The following IMMP2L variants were observed in gnomAD, a reference collection of about 807,000 sequenced individuals.
IMMP2L encodes the protein mitochondrial inner membrane protease subunit 2.
A neutral mutation model predicts 19.3 loss-of-function variants in IMMP2L; 18 were observed. The ratio of observed to expected loss-of-function variants is 0.93; its 90% CI spans 0.64 to 1.38. The LOEUF (loss-of-function observed/expected upper bound fraction) is 1.38. Ranked by LOEUF, IMMP2L falls within the 40% of genes most tolerant of loss-of-function variation. IMMP2L has a pLI of 0.00. For missense variants in IMMP2L, 233 were observed against 218.2 expected (o/e 1.07, Z -0.43); for synonymous variants, 76 against 73.0 (o/e 1.04, Z -0.21).
chr7:111,045,318 T>C (rs904978753), intron 3 of IMMP2L, among the ~76,000 whole-genome samples: 1 of 152,178 alleles, frequency 6.6e-6, no homozygotes, highest in Non-Finnish European at 1.5e-5. Flanking sequence ...AATATGCCCA[T>C]TCTTCATTTC....
At chr7:111,505,041 C>G (rs1315626612) in intron 2 of IMMP2L, among the ~76,000 whole-genome samples, 1 of 151,948 alleles carries the variant, frequency 6.6e-6, no homozygotes, top group African/African-American at 2.4e-5. Flanking sequence ...AGGCAACCTA[C>G]AAAATGGGAA....
intron 5 of IMMP2L, among the ~76,000 whole-genome samples, chr7:110,806,985 A>G (rs1801677778): frequency 6.6e-6 from 1 of 151,958 alleles, no homozygotes; most frequent in Non-Finnish European, 1.5e-5. Flanking sequence ...TTACCTTTGT[A>G]TATGTCTGTT....
At chr7:111,043,972 C>T (rs1792138716) in intron 3 of IMMP2L, among the ~76,000 whole-genome samples, 1 of 152,048 alleles carries the variant, frequency 6.6e-6, no homozygotes, top group South Asian at 2.1e-4. Context: ...AGATACTGAC[C>T]CTTTAATAAA....
chr7:111,305,227 G>C (rs1318391201), intron 3 of IMMP2L, among the ~76,000 whole-genome samples: 1 of 152,104 alleles, frequency 6.6e-6, no homozygotes, highest in Admixed American at 6.6e-5. Flanking sequence ...TAAATTATTA[G>C]AAAAGGAATG....
At chr7:111,482,876 G>A (rs1842313410) in intron 3 of IMMP2L, among the ~76,000 whole-genome samples, 1 of 152,048 alleles carries the variant, frequency 6.6e-6, no homozygotes, top group Non-Finnish European at 1.5e-5. Context: ...AAAATAACTG[G>A]ACAGTACCCT....
At chr7:111,052,271 AAG>A (rs2129573056) in intron 3 of IMMP2L, among the ~76,000 whole-genome samples, 1 of 152,328 alleles carries the variant, frequency 6.6e-6, no homozygotes, top group East Asian at 1.9e-4. Context: ...GAGAGTAACT[AAG>A]AGTCTGACAC....
intron 3 of IMMP2L, chr7:111,091,642 T>C (rs1273665597): frequency 2.0e-5 from 3 of 152,208 alleles, no homozygotes; most frequent in Admixed American, 1.3e-4. Flanking sequence ...TATTGCACTT[T>C]TGAGAAGAAA....
chr7:111,108,700 CAT>C (rs1450480846), intron 3 of IMMP2L, among the ~76,000 whole-genome samples: 3 of 152,132 alleles, frequency 2.0e-5, no homozygotes, highest in East Asian at 3.9e-4. Flanking sequence ...TTAAAAAAAA[CAT>C]ATTTATTTCT....
At chr7:110,926,006 G>T (rs1814811221) in intron 4 of IMMP2L, among the ~76,000 whole-genome samples, 1 of 151,744 alleles carries the variant, frequency 6.6e-6, no homozygotes. Context: ...TTAAACATCT[G>T]CAAAAAATAT....
At chr7:110,809,670 T>G (rs1169381847) in intron 5 of IMMP2L, among the ~76,000 whole-genome samples, 1 of 151,994 alleles carries the variant, frequency 6.6e-6, no homozygotes, top group East Asian at 1.9e-4. Flanking sequence ...TTCTCAAATC[T>G]CCTAGAAAAT....
At chr7:111,157,031 C>T (rs917932895) in intron 3 of IMMP2L, among the ~76,000 whole-genome samples, 1 of 152,004 alleles carries the variant, frequency 6.6e-6, no homozygotes, top group Non-Finnish European at 1.5e-5. Flanking sequence ...GAGATAACAT[C>T]ACACTCTAGT....
rs144152760 is a variant in IMMP2L, at chr7:110,670,697, A to C, written c.409-6976T>G. Among the ~76,000 whole-genome samples the C allele has an allele frequency of 2.6e-4, 39 of 151,382 alleles. No homozygotes were observed. The East Asian group carries it at 3.9e-3, about 15-fold the overall frequency. ...AGAGCAAGACTCCGTCTCAAAAAAAAAAAAAAACAAAAAAAACAAAAAAAA... is the reference window on the plus strand; with the variant it reads ...AGAGCAAGACTCCGTCTCAAAAAAACAAAAAAACAAAAAAAACAAAAAAAA... On this transcript the variant is annotated intron_variant, in intron 5 of 5. Coordinates refer to ENST00000405709, the MANE Select transcript of IMMP2L (RefSeq NM_032549.4).
At chr7:110,851,921 G>C (rs1685183966) in intron 5 of IMMP2L, among the ~76,000 whole-genome samples, 1 of 152,018 alleles carries the variant, frequency 6.6e-6, no homozygotes, top group Non-Finnish European at 1.5e-5. Context: ...TCTTCTAAGA[G>C]CTGGAGTCTA....
intron 5 of IMMP2L, among the ~76,000 whole-genome samples, chr7:110,785,650 G>A (rs991944227): frequency 2.6e-5 from 4 of 151,976 alleles, no homozygotes; most frequent in African/African-American, 7.2e-5. Flanking sequence ...TCAGGATACC[G>A]CCTTGCATCA....
At chr7:111,140,613 A>C (rs1802782725) in intron 3 of IMMP2L, among the ~76,000 whole-genome samples, 1 of 152,208 alleles carries the variant, frequency 6.6e-6, no homozygotes, top group Non-Finnish European at 1.5e-5. Flanking sequence ...TAAATAAGTT[A>C]ACAGGGCCAA....
chr7:111,436,661 T>C (rs1192745109), intron 3 of IMMP2L, among the ~76,000 whole-genome samples: 1 of 151,904 alleles, frequency 6.6e-6, no homozygotes, highest in Non-Finnish European at 1.5e-5. Context: ...TGTCACTAAG[T>C]TAAACTCAAA....
intron 3 of IMMP2L, among the ~76,000 whole-genome samples, chr7:111,211,780 C>T (rs60022617): frequency 0.018 from 2,664 of 152,196 alleles, 84 homozygotes; most frequent in African/African-American, 0.061. Context: ...GAGGCCGAGG[C>T]AGGCAGATCG....
chr7:110,980,195 A>C (rs186486202), intron 3 of IMMP2L, among the ~76,000 whole-genome samples: 293 of 147,026 alleles, frequency 2.0e-3, no homozygotes, highest in African/African-American at 7.0e-3. Context: ...TAATCCCATT[A>C]ACTGGCTTAT....
rs574598147 is a variant in IMMP2L, at chr7:111,398,297, T to C, written c.239+88941A>G. ...GTCCACCATGATCAAGTGGGTTTCA[T>C]ACCAGGGATGCAGGAGTAGTTTAAC... On this transcript the variant is annotated intron_variant, in intron 3 of 5. Coordinates refer to ENST00000405709, the MANE Select transcript of IMMP2L (RefSeq NM_032549.4). Among the ~76,000 whole-genome samples the C allele has an allele frequency of 3.3e-5, 5 of 152,254 alleles. No homozygotes were observed. In the South Asian group the frequency reaches 6.2e-4, roughly 19 times the overall value.
Sources: gnomAD v4.1 joint callset for allele counts (sites outside exome capture counted in the v4.1 genomes callset) on GRCh38, gnomAD v4.1.1 for gene constraint, MANE v1.5 for transcripts, NCBI Gene and HGNC (gene_info 2026-07-23, HGNC 2026-07-21) for gene names.